Variants in DPP6 observed in about 807,000 individuals in gnomAD.
The protein encoded by DPP6 is dipeptidyl peptidase like 6.
In DPP6, 69 loss-of-function variants were observed where a neutral mutation model predicts 122.6. The ratio of observed to expected loss-of-function variants is 0.56; its 90% confidence interval spans 0.46 to 0.69. The LOEUF (loss-of-function observed/expected upper bound fraction) is 0.69, where lower values mean the gene tolerates loss of function less well. Ranked by LOEUF, DPP6 falls within the 30% of genes least tolerant of loss-of-function variation. The pLI, the probability that DPP6 is intolerant of heterozygous loss-of-function variation, is 0.00. For synonymous variants in DPP6, 418 were observed against 433.1 expected (o/e 0.97, Z 0.43); for missense variants, 928 against 1,116.9 (o/e 0.83, Z 2.41).
chr7:154,458,331 G>A (rs1820980893), intron 2 of DPP6, among the ~76,000 whole-genome samples: 1 of 152,150 alleles, frequency 6.6e-6, no homozygotes, highest in African/African-American at 2.4e-5. Flanking sequence ...CTTGCCTGCT[G>A]CCATGTAAGA....
At chr7:154,778,351 C>T (rs1351862787) in intron 10 of DPP6, among the ~76,000 whole-genome samples, 1 of 152,096 alleles carries the variant, frequency 6.6e-6, no homozygotes, top group African/African-American at 2.4e-5. Context: ...AGCTTACAAC[C>T]TCATGGCCTT....
intron 2 of DPP6, among the ~76,000 whole-genome samples, chr7:154,456,741 A>ATTTG (rs1242472032): frequency 6.5e-4 from 13 of 20,010 alleles, no homozygotes; most frequent in East Asian, 0.014. Context: ...AGGAAATAAG[A>ATTTG]ATGCTTGTGA....
intron 1 of DPP6, among the ~76,000 whole-genome samples, chr7:154,199,953 T>G (rs1220106136): frequency 6.6e-6 from 1 of 152,170 alleles, no homozygotes; most frequent in East Asian, 1.9e-4. Context: ...ATCTCCTGAT[T>G]GTCAGTGCAG....
chr7:153,806,253 TAC>T, the DPP6 span, among the ~76,000 whole-genome samples: 1 of 151,906 alleles, frequency 6.6e-6, no homozygotes, highest in African/African-American at 2.4e-5. Context: ...TTTTAAATCT[TAC>T]AGAGTCTCTG....
At chr7:154,044,772 A>G (rs1799936416) in intron 1 of DPP6, among the ~76,000 whole-genome samples, 1 of 152,230 alleles carries the variant, frequency 6.6e-6, no homozygotes, top group African/African-American at 2.4e-5. Context: ...TCAGGTTTGA[A>G]CTTTAAATGT....
At chr7:154,676,387 C>T (rs1210092338) in intron 7 of DPP6, among the ~76,000 whole-genome samples, 1 of 112,290 alleles carries the variant, frequency 8.9e-6, no homozygotes, top group East Asian at 2.1e-4. Flanking sequence ...TGACCTGCTA[C>T]ACAGGTGTTC....
At chr7:154,727,957 T>G in intron 8 of DPP6, 70 bp downstream of exon 8, 1 of 1,483,536 alleles carries the variant, frequency 6.7e-7, no homozygotes. Flanking sequence ...AGTTGGGTTC[T>G]TTTTCATTTT....
intron 1 of DPP6, among the ~76,000 whole-genome samples, chr7:154,322,049 C>T (rs1349826031): frequency 1.3e-5 from 2 of 149,966 alleles, no homozygotes; most frequent in African/African-American, 4.9e-5. Flanking sequence ...CCCCCAACCC[C>T]CAACCCCCAA....
intron 1 of DPP6, among the ~76,000 whole-genome samples, chr7:153,944,850 C>T (rs1041377579): frequency 3.3e-5 from 5 of 151,890 alleles, no homozygotes; most frequent in African/African-American, 1.2e-4. Context: ...AGGCTGGTCT[C>T]AAACTCCTGA....
chr7:154,823,625 G>A (rs895301828), intron 16 of DPP6, among the ~76,000 whole-genome samples: 2 of 152,214 alleles, frequency 1.3e-5, no homozygotes, highest in African/African-American at 4.8e-5. Context: ...TGTAATATAT[G>A]GACATACGGT....
intron 1 of DPP6, among the ~76,000 whole-genome samples, chr7:154,014,530 G>A (rs545541031): frequency 7.3e-5 from 11 of 151,600 alleles, no homozygotes; most frequent in African/African-American, 1.7e-4. Context: ...TGGCACACGC[G>A]TGTAGTCCCA....
intron 6 of DPP6, among the ~76,000 whole-genome samples, chr7:154,656,739 G>A (rs1461887924): frequency 9.9e-5 from 14 of 141,952 alleles, no homozygotes; most frequent in Admixed American, 7.0e-4. Flanking sequence ...GAGAGGCTGC[G>A]TGGGAGGAGG....
At chr7:153,792,502 G>A in the DPP6 span, among the ~76,000 whole-genome samples, 1 of 151,850 alleles carries the variant, frequency 6.6e-6, no homozygotes, top group Non-Finnish European at 1.5e-5. Context: ...TTTGTGAAAA[G>A]GCTTTTTTAG....
Position 153,996,654 on chromosome 7 carries a change from C to T in DPP6, c.51+108920C>T, listed in dbSNP as rs191062127. On this transcript the variant is annotated intron_variant, in intron 1 of 25. Coordinates refer to the DPP6 transcript ENST00000404039. Reference sequence around the variant, plus strand: ...TGTATTTTCCCTTCAAACTCATTTACCTTTGCAGCCCTCTTGAATAATGTC... The same window carrying T: ...TGTATTTTCCCTTCAAACTCATTTATCTTTGCAGCCCTCTTGAATAATGTC... 8.1e-3 allele frequency among the ~76,000 whole-genome samples: 1,238 copies of T among 151,908 alleles called. 5 individuals carry two copies. The highest frequency in any genetic ancestry group is 0.024 in the Middle Eastern group (7 of 294).
intron 1 of DPP6, among the ~76,000 whole-genome samples, chr7:154,234,637 T>G (rs1011313437): frequency 2.0e-5 from 3 of 151,848 alleles, no homozygotes; most frequent in Admixed American, 1.3e-4. Flanking sequence ...GACACACACA[T>G]ACACAGAATC....
chr7:153,843,239 C>A, the DPP6 span, among the ~76,000 whole-genome samples: 23 of 151,680 alleles, frequency 1.5e-4, no homozygotes, highest in Non-Finnish European at 3.2e-4. Context: ...CACATACACA[C>A]GCACATACAT....
intron 6 of DPP6, among the ~76,000 whole-genome samples, chr7:154,664,429 A>G (rs1838012326): frequency 6.6e-6 from 1 of 152,226 alleles, no homozygotes; most frequent in African/African-American, 2.4e-5. Context: ...CTGAATTTCA[A>G]TATTAAGTAA....
In DPP6 at chr7:153,995,383, G is replaced by A. The variant is rs374516606; in HGVS notation, c.51+107649G>A. On this transcript the variant is annotated intron_variant, in intron 1 of 25. Coordinates refer to the DPP6 transcript ENST00000404039. ...GGGTGGATCACAAGGTCAGGAGGTC[G>A]AGACCATCCTGGCTAACACGGTGAA... Among the ~76,000 whole-genome samples the A allele has an allele frequency of 5.9e-5, 9 of 152,174 alleles. No individual in the cohort carries two copies. The East Asian group carries it at 1.2e-3, about 20-fold the overall frequency.
chr7:154,792,051 A>T (rs1007749014), intron 10 of DPP6, among the ~76,000 whole-genome samples: 2 of 152,288 alleles, frequency 1.3e-5, no homozygotes, highest in African/African-American at 4.8e-5. Flanking sequence ...TGTTTCCAAC[A>T]ATTGAGAACA....
Sources: gnomAD v4.1 joint callset for allele counts (sites outside exome capture counted in the v4.1 genomes callset) on GRCh38, gnomAD v4.1.1 for gene constraint, MANE v1.5 for transcripts, NCBI Gene and HGNC (gene_info 2026-07-23, HGNC 2026-07-21) for gene names.